TMTC3: variants seen among roughly 807,000 people sequenced by gnomAD.
The protein encoded by TMTC3 is transmembrane O-mannosyltransferase targeting cadherins 3.
A neutral mutation model predicts 92.2 loss-of-function variants in TMTC3; 52 were observed. The observed-to-expected ratio is 0.56, with a 90% CI of 0.45 to 0.71. The LOEUF is 0.71. TMTC3 is among the 30% of genes least tolerant of loss of function. TMTC3 has a pLI of 0.00. For synonymous variants in TMTC3, 339 were observed against 363.3 expected, an observed-to-expected ratio of 0.93 and a Z score of 0.76; for missense variants, 896 against 1,057.1, an observed-to-expected ratio of 0.85 and a Z score of 2.11.
At chr12:88,151,114 T>A (rs561214952) in intron 2 of TMTC3, among the ~76,000 whole-genome samples, 29 of 144,832 alleles carry the variant, frequency 2.0e-4, no homozygotes, top group Non-Finnish European at 4.0e-4. Flanking sequence ...GATATAGGTA[T>A]CAATATTTTT....
chr12:88,171,387 A>T (rs565075440), intron 7 of TMTC3, among the ~76,000 whole-genome samples: 2 of 152,206 alleles, frequency 1.3e-5, no homozygotes, highest in East Asian at 1.9e-4. Flanking sequence ...AACCCTGGTG[A>T]CCACCATGTA....
intron 4 of TMTC3, among the ~76,000 whole-genome samples, chr12:88,155,265 TTAACCTCTC>T (rs1411288401): frequency 6.6e-6 from 1 of 152,210 alleles, no homozygotes; most frequent in Non-Finnish European, 1.5e-5. Flanking sequence ...ATCAGGCAAA[TTAACCTCTC>T]TGTGCTTAAC....
At chr12:88,169,041 T>C (rs1359372896) in intron 7 of TMTC3, among the ~76,000 whole-genome samples, 2 of 152,188 alleles carry the variant, frequency 1.3e-5, no homozygotes, top group Non-Finnish European at 1.5e-5. Flanking sequence ...GTTTTATGGC[T>C]TCAGCTTTCA....
chr12:88,182,599 G>C (rs984772816), intron 10 of TMTC3, among the ~76,000 whole-genome samples: 1 of 152,120 alleles, frequency 6.6e-6, no homozygotes, highest in African/African-American at 2.4e-5. Flanking sequence ...TTTTTCAGGT[G>C]CTATGACTAA....
chr12:88,195,141 T>G lies in TMTC3; in HGVS notation c.2237T>G (p.Leu746Arg), dbSNP rs1261540964. The change falls in exon 14 of 14, where the codon CTG (leucine) becomes CGG (arginine). Residue 746 changes from leucine to arginine, a missense_variant. Transcript: ENST00000266712. ...IKGLILKGDI[L>R]MNQKKDILGA... ...GGCCTCATTTTAAAAGGAGACATTC[T>G]GATGAATCAAAAGAAAGATATACTA... 2 of 1,613,866 alleles carry G rather than the reference T, an allele frequency of 1.2e-6. No individual in the cohort carries two copies. The highest frequency in any genetic ancestry group is 1.7e-6 in the Non-Finnish European group (2 of 1,179,948).
chr12:88,171,400 G>A (rs1413351597), intron 7 of TMTC3, among the ~76,000 whole-genome samples: 1 of 151,990 alleles, frequency 6.6e-6, no homozygotes, highest in African/African-American at 2.4e-5. Context: ...ACCATGTACT[G>A]TACTTCTGTG....
intron 7 of TMTC3, among the ~76,000 whole-genome samples, chr12:88,168,363 A>G (rs1432647907): frequency 1.0e-5 from 1 of 98,910 alleles, no homozygotes; most frequent in African/African-American, 3.1e-5. Flanking sequence ...ACTGTTTCAA[A>G]GGATGGGATA....
At chr12:88,194,321 A>AT (rs955953777) in intron 13 of TMTC3, among the ~76,000 whole-genome samples, 1 of 152,130 alleles carries the variant, frequency 6.6e-6, no homozygotes, top group Non-Finnish European at 1.5e-5. Context: ...TTGAAGTAAC[A>AT]TTTTTTAAAA....
At position 88,154,123 on chromosome 12, in the gene TMTC3, T is replaced by G. The variant is rs183479033; in HGVS notation, c.409-165T>G. Among the ~76,000 whole-genome samples, 637 of 152,198 alleles carry G rather than the reference T, an allele frequency of 4.2e-3. 1 individual carries two copies. Among genetic ancestry groups the G allele is most frequent in the Middle Eastern group, 0.01 (3 of 294 alleles). ...TTAAGAGTCACTAATAAATGTCTAT[T>G]TATGTAAGATTCACAAATTCACCAC... On this transcript the variant is annotated intron_variant, in intron 3 of 13. Transcript: ENST00000266712.
rs1467536898 is a variant in TMTC3, at chr12:88,195,171, C to T, written c.2267C>T (p.Ala756Val). The T allele has an allele frequency of 6.2e-7, 1 of 1,613,480 alleles. No individual in the cohort carries two copies. The highest frequency in any genetic ancestry group is 2.2e-5 in the East Asian group (1 of 44,804). ...AATCAAAAGAAAGATATACTAGGAG[C>T]AAAAAAATGTTTTGAAAGGATTTTG... ...LMNQKKDILG[A>V]KKCFERILEM... Residue 756 changes from alanine (A) to valine (V), a missense_variant, in exon 14 of 14, where the codon GCA becomes GTA. By Grantham distance (64) the Ala-to-Val change is moderately conservative. Coordinates refer to ENST00000266712, the MANE Select transcript of TMTC3 (RefSeq NM_181783.4).
intron 6 of TMTC3, among the ~76,000 whole-genome samples, chr12:88,163,846 G>A (rs1195214282): frequency 1.3e-5 from 2 of 151,980 alleles, no homozygotes; most frequent in Admixed American, 6.6e-5. Context: ...TTAGAAATAT[G>A]ATTCAACCCA....
In TMTC3 at chr12:88,153,323, A is replaced by G. The variant is rs370700013; in HGVS notation, c.222A>G (p.Thr74=). 1.9e-6 allele frequency: 3 copies of G among 1,612,972 alleles called. No homozygotes were observed. Among genetic ancestry groups the G allele is most frequent in the East Asian group, 2.2e-5 (1 of 44,810 alleles). ...ERSHKSYRPL[T]VLTFRLNYLL... is the part of the protein sequence containing the mutation. ...GCCACAAGTCTTACCGTCCCTTAAC[A>G]GTATTGACATTTCGCTTAAATTATT... Residue 74 remains threonine, a synonymous_variant, in exon 3 of 14, where the codon ACA becomes ACG. Coordinates refer to ENST00000266712, the MANE Select transcript of TMTC3 (RefSeq NM_181783.4).
chr12:88,144,268 T>G (rs1373149039), intron 1 of TMTC3, among the ~76,000 whole-genome samples: 1 of 152,038 alleles, frequency 6.6e-6, no homozygotes, highest in East Asian at 1.9e-4. Context: ...CAAGATGGAG[T>G]TGTTGTGATT....
chr12:88,185,266 A>G (rs944026326), intron 10 of TMTC3, among the ~76,000 whole-genome samples: 9 of 151,934 alleles, frequency 5.9e-5, no homozygotes, highest in African/African-American at 1.9e-4. Context: ...TCTAAGCAAA[A>G]GCTTTCTATC....
chr12:88,160,198 G>C lies in TMTC3; in HGVS notation c.593G>C (p.Cys198Ser), dbSNP rs766222743. The part of the protein sequence containing the change: ...KEQGITVVGI[C>S]CVYEVFIAQG... ...CAAGGAATAACAGTTGTAGGAATTT[G>C]CTGTGTGTATGAAGTGTTTATTGCC... is the stretch of plus-strand genomic sequence containing the variant. Residue 198 changes from cysteine to serine, a missense_variant, in exon 5 of 14, where the codon TGC becomes TCC. Physicochemically the swap from Cys to Ser is moderately radical, Grantham distance 112. Coordinates refer to ENST00000266712, the MANE Select transcript of TMTC3 (RefSeq NM_181783.4). 1 of 1,587,788 alleles carries C rather than the reference G, an allele frequency of 6.3e-7. No homozygotes were observed. The highest frequency in any genetic ancestry group is 1.2e-5 in the South Asian group (1 of 85,274).
At chr12:88,151,847 G>A (rs993246671) in intron 2 of TMTC3, among the ~76,000 whole-genome samples, 1 of 152,106 alleles carries the variant, frequency 6.6e-6, no homozygotes, top group African/African-American at 2.4e-5. Flanking sequence ...TTATATGCCT[G>A]AGATGAAATT....
intron 1 of TMTC3, among the ~76,000 whole-genome samples, chr12:88,147,437 C>A (rs1392903919): frequency 6.6e-6 from 1 of 152,132 alleles, no homozygotes; most frequent in Non-Finnish European, 1.5e-5. Context: ...TGAGTTGTTT[C>A]ATTCGGTTTT....
At chr12:88,149,385 T>C (rs2138359181) in intron 2 of TMTC3, among the ~76,000 whole-genome samples, 1 of 152,292 alleles carries the variant, frequency 6.6e-6, no homozygotes, top group Non-Finnish European at 1.5e-5. Flanking sequence ...ATCTTTCAGA[T>C]GGAAAGTAAT....
intron 9 of TMTC3, 45 bp downstream of exon 9, chr12:88,174,772 T>A (rs762854319): frequency 6.2e-7 from 1 of 1,606,710 alleles, no homozygotes; most frequent in Non-Finnish European, 8.5e-7. Flanking sequence ...CATCAGTGAT[T>A]TCTTGGAACA....
Sources: allele counts gnomAD v4.1 joint callset (sites outside exome capture counted in the v4.1 genomes callset), GRCh38; gene constraint gnomAD v4.1.1; transcripts MANE v1.5; gene names NCBI Gene and HGNC (gene_info 2026-07-23, HGNC 2026-07-21).